The following RBM46 variants were observed in gnomAD, a reference collection of about 807,000 sequenced individuals.
RBM46 encodes probable RNA-binding protein 46.
In RBM46, 12 loss-of-function variants were observed where a neutral mutation model predicts 43.3. That is an observed-to-expected ratio of 0.28 (90% CI 0.18 to 0.45). RBM46 has a LOEUF of 0.45. Ranked by LOEUF, RBM46 falls within the 20% of genes least tolerant of loss-of-function variation. The probability of loss-of-function intolerance (pLI) is 1.00; values close to 1 mark genes in which losing one functional copy is unlikely to be tolerated. For synonymous variants in RBM46, 205 were observed against 207.6 expected (o/e 0.99, Z 0.11); for missense variants, 412 against 639.1 (o/e 0.64, Z 3.83).
chr4:154,788,070 G>A (rs183375962), intron 1 of RBM46, among the ~76,000 whole-genome samples: 1 of 152,026 alleles, frequency 6.6e-6, no homozygotes, highest in South Asian at 2.1e-4. Context: ...AAGTTCTTTG[G>A]AGATTCTGGA....
At chr4:154,786,817 C>G (rs1560888849) in intron 1 of RBM46, among the ~76,000 whole-genome samples, 1 of 152,070 alleles carries the variant, frequency 6.6e-6, no homozygotes, top group East Asian at 1.9e-4. Flanking sequence ...GTCCCAGCTA[C>G]TTGGGAGGCT....
At chr4:154,826,928 A>G (rs1735994941) in intron 4 of RBM46, 1 of 1,317,312 alleles carries the variant, frequency 7.6e-7, no homozygotes. Flanking sequence ...CCTGTACATT[A>G]GATGACCTAA....
intron 1 of RBM46, among the ~76,000 whole-genome samples, chr4:154,794,228 T>C (rs991161179): frequency 7.4e-4 from 108 of 145,928 alleles, no homozygotes; most frequent in African/African-American, 1.5e-3. Flanking sequence ...TGGCCCAGGC[T>C]GGACTGCAGT....
At chr4:154,806,315 T>G (rs1029925882) in intron 4 of RBM46, among the ~76,000 whole-genome samples, 1 of 151,900 alleles carries the variant, frequency 6.6e-6, no homozygotes, top group Non-Finnish European at 1.5e-5. Flanking sequence ...GAATCCTTTC[T>G]CAGCCATCAA....
intron 4 of RBM46, among the ~76,000 whole-genome samples, chr4:154,807,650 A>C (rs1487431211): frequency 6.6e-6 from 1 of 151,874 alleles, no homozygotes; most frequent in Non-Finnish European, 1.5e-5. Context: ...ATCCCAGAGC[A>C]TTTCTTCCTC....
intron 4 of RBM46, among the ~76,000 whole-genome samples, chr4:154,802,736 G>A (rs1734700086): frequency 6.6e-6 from 1 of 152,106 alleles, no homozygotes; most frequent in Non-Finnish European, 1.5e-5. Context: ...ATTTTCTAGA[G>A]AATCCATTTA....
In RBM46 at chr4:154,799,157, T is replaced by C. The variant is rs780220188; in HGVS notation, c.995T>C (p.Val332Ala). The C allele has an allele frequency of 1.2e-6, 2 of 1,614,032 alleles. No individual in the cohort carries two copies. The highest frequency in any genetic ancestry group is 1.7e-5 in the Admixed American group (1 of 60,006). ...AGTCCAAATTCTGAAAATCTGATTG[T>C]GTTTGCTAACAAAGAAGAGAGCCAC... ...QISPNSENLI[V>A]FANKEESHPK... Residue 332 changes from valine (V) to alanine (A), a missense_variant, in exon 4 of 5, where the codon GTG becomes GCG. Transcript: ENST00000281722.
At chr4:154,785,530 A>G (rs1296367065) in intron 1 of RBM46, among the ~76,000 whole-genome samples, 6 of 152,192 alleles carry the variant, frequency 3.9e-5, no homozygotes, top group Non-Finnish European at 4.4e-5. Flanking sequence ...AGATTGGTGC[A>G]AAAGTAATCA....
At chr4:154,789,980 C>T (rs1733994453) in intron 1 of RBM46, among the ~76,000 whole-genome samples, 1 of 152,132 alleles carries the variant, frequency 6.6e-6, no homozygotes, top group African/African-American at 2.4e-5. Flanking sequence ...TTATAGTATT[C>T]TCTGATGGTA....
At chr4:154,825,551 T>C (rs1006109377) in intron 4 of RBM46, among the ~76,000 whole-genome samples, 20 of 152,212 alleles carry the variant, frequency 1.3e-4, no homozygotes, top group Admixed American at 3.9e-4. Flanking sequence ...AGGATTTTTT[T>C]CCTTTGGATT....
At chr4:154,817,216 T>G (rs1213028937) in intron 4 of RBM46, among the ~76,000 whole-genome samples, 1 of 152,110 alleles carries the variant, frequency 6.6e-6, no homozygotes, top group Admixed American at 6.6e-5. Context: ...TTTGAATATG[T>G]GGAATATTAT....
rs190692620 is a variant in RBM46, at chr4:154,798,421, A to G, written c.619+143A>G. On this transcript the variant is annotated intron_variant, in intron 3 of 4. Transcript: ENST00000281722. ...TTTGAGTAATGAAGTAAAATAAATT[A>G]CATGATTCTAAAAGACAAGAAATTG... 4.1e-5 allele frequency: 25 copies of G among 608,886 alleles called. No individual in the cohort carries two copies. In the East Asian group the frequency reaches 7.4e-4, roughly 18 times the overall value. 37.7% of individuals were successfully genotyped at this position (608,886 alleles called of 1,614,324 possible). A position where few individuals can be genotyped will look rare whatever the true frequency, so the allele number is the denominator to read the frequency against.
At chr4:154,797,496 C>T (rs1734413177) in intron 2 of RBM46, among the ~76,000 whole-genome samples, 1 of 152,132 alleles carries the variant, frequency 6.6e-6, no homozygotes, top group Non-Finnish European at 1.5e-5. Flanking sequence ...TCCAAATGCC[C>T]TTTTCCCAGA....
At chr4:154,785,344 A>T (rs1009555467) in intron 1 of RBM46, among the ~76,000 whole-genome samples, 2 of 152,076 alleles carry the variant, frequency 1.3e-5, no homozygotes, top group Admixed American at 1.3e-4. Context: ...TAGGTCTGTA[A>T]GGTAATTGTA....
chr4:154,827,078 A>G (rs1246330071), intron 4 of RBM46: 1 of 1,136,230 alleles, frequency 8.8e-7, no homozygotes, highest in Non-Finnish European at 1.1e-6. Context: ...TTTGGTCTGT[A>G]ATATACACAC....
In RBM46 at chr4:154,799,298, C is replaced by T; in HGVS notation, c.1136C>T (p.Thr379Ile). 6.2e-7 allele frequency: 1 copy of T among 1,614,206 alleles called. No individual in the cohort carries two copies. Among genetic ancestry groups the T allele is most frequent in the Non-Finnish European group, 8.5e-7 (1 of 1,180,044 alleles). ...CCTTTTTATCCTGGAACAAAGCTTA[C>T]TCCAATTAGTATGTATTCTTTAAAA... ...TYPFYPGTKL[T>I]PISMYSLKSN... Residue 379 changes from threonine to isoleucine, a missense_variant, in exon 4 of 5, where the codon ACT becomes ATT. Transcript: ENST00000281722.
At chr4:154,827,733 C>T (rs1560918827) in intron 4 of RBM46, 135 bp from the exon 5 acceptor site, 1 of 1,496,438 alleles carries the variant, frequency 6.7e-7, no homozygotes, top group East Asian at 2.3e-5. Flanking sequence ...CTTTAACCAG[C>T]AATATAGTAT....
At chr4:154,785,867 G>C (rs1034037572) in intron 1 of RBM46, among the ~76,000 whole-genome samples, 1 of 152,038 alleles carries the variant, frequency 6.6e-6, no homozygotes, top group Non-Finnish European at 1.5e-5. Flanking sequence ...TTTACTTTTG[G>C]TTTTCTTGTC....
At chr4:154,798,736 T>C (rs1734467510) in intron 3 of RBM46, 46 bp from the exon 4 acceptor site, 1 of 1,327,452 alleles carries the variant, frequency 7.5e-7, no homozygotes, top group Admixed American at 3.4e-5. Flanking sequence ...CTTTACCTTT[T>C]ATTCTTTATT....
Sources: allele counts gnomAD v4.1 joint callset (sites outside exome capture counted in the v4.1 genomes callset), GRCh38; gene constraint gnomAD v4.1.1; transcripts MANE v1.5; gene names NCBI Gene and HGNC (gene_info 2026-07-23, HGNC 2026-07-21).